The following BACH2 variants were observed in gnomAD, a reference collection of about 807,000 sequenced individuals.
The protein encoded by BACH2 is transcription regulator protein BACH2.
In BACH2, 5 loss-of-function variants were observed where a neutral mutation model predicts 61.8. The ratio of observed to expected loss-of-function variants is 0.08; its 90% CI spans 0.04 to 0.17. The LOEUF is 0.17. Among genes scored for constraint, BACH2 ranks in the 10% least tolerant of loss-of-function variants. BACH2 has a pLI of 1.00. For missense variants in BACH2, 824 were observed against 1,091.1 expected (o/e 0.76, Z 3.45); for synonymous variants, 446 against 440.1 (o/e 1.01, Z -0.17).
intron 5 of BACH2, among the ~76,000 whole-genome samples, chr6:90,050,614 G>GT (rs1433065629): frequency 1.3e-5 from 2 of 152,018 alleles, no homozygotes; most frequent in African/African-American, 4.8e-5. Context: ...GAAAAATATA[G>GT]TTTTTTCATA....
At chr6:90,095,509 A>T (rs759800158) in intron 4 of BACH2, among the ~76,000 whole-genome samples, 8 of 152,206 alleles carry the variant, frequency 5.3e-5, no homozygotes, top group Non-Finnish European at 8.8e-5. Context: ...GAAGAACCAA[A>T]GCTAGAAAAT....
At chr6:90,202,906 G>A (rs1269952231) in intron 4 of BACH2, among the ~76,000 whole-genome samples, 1 of 152,182 alleles carries the variant, frequency 6.6e-6, no homozygotes, top group Non-Finnish European at 1.5e-5. Flanking sequence ...TGCCTCTACA[G>A]AATCCTGTTC....
chr6:90,064,719 G>A (rs1264050489), intron 5 of BACH2, among the ~76,000 whole-genome samples: 1 of 152,194 alleles, frequency 6.6e-6, no homozygotes, highest in East Asian at 1.9e-4. Context: ...GATCCTTAAT[G>A]AGAATCCTAG....
At chr6:90,152,782 G>A (rs1385336974) in intron 4 of BACH2, among the ~76,000 whole-genome samples, 1 of 152,152 alleles carries the variant, frequency 6.6e-6, no homozygotes, top group Non-Finnish European at 1.5e-5. Context: ...TTTACTACAA[G>A]CTAGTCCCTC....
chr6:89,946,039 A>G (rs997256102), intron 7 of BACH2, among the ~76,000 whole-genome samples: 3 of 152,202 alleles, frequency 2.0e-5, no homozygotes, highest in African/African-American at 7.2e-5. Context: ...CATAAAACTA[A>G]TATTTTTTTA....
chr6:90,273,302 G>A (rs1266616582), intron 1 of BACH2, among the ~76,000 whole-genome samples: 2 of 152,142 alleles, frequency 1.3e-5, no homozygotes, highest in East Asian at 1.9e-4. Context: ...AGGCCACCAT[G>A]AGCTACGATC....
intron 5 of BACH2, among the ~76,000 whole-genome samples, chr6:90,069,024 C>CT (rs1422881003): frequency 6.6e-6 from 1 of 152,164 alleles, no homozygotes; most frequent in Non-Finnish European, 1.5e-5. Flanking sequence ...TTGCTTCCCT[C>CT]TGTCTTTCTG....
intron 5 of BACH2, among the ~76,000 whole-genome samples, chr6:90,056,963 A>G (rs1364559195): frequency 6.6e-6 from 1 of 152,218 alleles, no homozygotes; most frequent in Non-Finnish European, 1.5e-5. Flanking sequence ...GCTGGGACAC[A>G]TTCAAAGCAG....
chr6:90,012,812 C>G (rs1777798536), intron 5 of BACH2, among the ~76,000 whole-genome samples: 1 of 151,880 alleles, frequency 6.6e-6, no homozygotes, highest in South Asian at 2.1e-4. Flanking sequence ...ATTAAAGAGG[C>G]ATGTGCCACC....
chr6:90,092,291 A>AAAAAAAAAAAAAAAAATAT, intron 4 of BACH2, among the ~76,000 whole-genome samples: 58 of 113,780 alleles, frequency 5.1e-4, no homozygotes, highest in African/African-American at 1.9e-3. Context: ...AAAAAAAAAA[A>AAAAAAAAAAAAAAAAATAT]ATATATATAT....
chr6:90,243,025 A>AT (rs1339028944), intron 3 of BACH2, among the ~76,000 whole-genome samples: 5 of 142,988 alleles, frequency 3.5e-5, no homozygotes, highest in Admixed American at 1.4e-4. Context: ...GATTACAGGG[A>AT]TACACCACCA....
chr6:90,192,776 TTC>T (rs1197726941), intron 4 of BACH2, among the ~76,000 whole-genome samples: 84 of 152,362 alleles, frequency 5.5e-4, no homozygotes, highest in African/African-American at 1.9e-3. Flanking sequence ...ATATATTAGA[TTC>T]TTAAGAAAAC....
At chr6:89,977,443 T>G (rs888527398) in intron 6 of BACH2, among the ~76,000 whole-genome samples, 3 of 152,204 alleles carry the variant, frequency 2.0e-5, no homozygotes, top group African/African-American at 7.2e-5. Flanking sequence ...GTGATTGAAC[T>G]GGGTAAAAAA....
At chr6:90,069,608 A>G (rs1781128366) in intron 5 of BACH2, among the ~76,000 whole-genome samples, 1 of 152,238 alleles carries the variant, frequency 6.6e-6, no homozygotes, top group East Asian at 1.9e-4. Context: ...AAAGACTTTA[A>G]GCAAATTCAG....
At chr6:90,027,942 A>C (rs139498042) in intron 5 of BACH2, among the ~76,000 whole-genome samples, 10 of 152,354 alleles carry the variant, frequency 6.6e-5, no homozygotes, top group Non-Finnish European at 1.3e-4. Flanking sequence ...ATTGAGGCAA[A>C]TCTGGACTGC....
intron 5 of BACH2, among the ~76,000 whole-genome samples, chr6:90,019,459 C>A (rs1401893873): frequency 1.3e-5 from 2 of 152,196 alleles, no homozygotes; most frequent in African/African-American, 4.8e-5. Flanking sequence ...TCTGGACAAA[C>A]TGCCTAACTG....
chr6:90,183,471 T>G (rs1234568387), intron 4 of BACH2, among the ~76,000 whole-genome samples: 1 of 152,214 alleles, frequency 6.6e-6, no homozygotes, highest in East Asian at 1.9e-4. Context: ...TGATCTAGCA[T>G]AGATTTAAGC....
chr6:90,073,709 A>C (rs759685407), intron 5 of BACH2, among the ~76,000 whole-genome samples: 3 of 152,174 alleles, frequency 2.0e-5, no homozygotes, highest in Non-Finnish European at 4.4e-5. Flanking sequence ...CTGAGGTCTG[A>C]AAATATAACA....
chr6:90,038,056 C>T (rs902236843), intron 5 of BACH2, among the ~76,000 whole-genome samples: 2 of 152,214 alleles, frequency 1.3e-5, no homozygotes, highest in Non-Finnish European at 2.9e-5. Context: ...CTTCTAACCT[C>T]TAGAACTGTG....
Sources: allele counts gnomAD v4.1 joint callset (sites outside exome capture counted in the v4.1 genomes callset), GRCh38; gene constraint gnomAD v4.1.1; transcripts MANE v1.5; gene names NCBI Gene and HGNC (gene_info 2026-07-23, HGNC 2026-07-21).